Variants in CEP41 observed in about 807,000 individuals in gnomAD.
The protein encoded by CEP41 is centrosomal protein 41.
CEP41 carries 32 observed loss-of-function variants against 44.3 expected under a neutral mutation model. The observed-to-expected ratio is 0.72, with a 90% CI of 0.54 to 0.97. CEP41 has a LOEUF of 0.97. Ranked by LOEUF, CEP41 falls within the 50% of genes least tolerant of loss-of-function variation. The pLI is 0.00. For missense variants in CEP41, 432 were observed against 455.2 expected (o/e 0.95, Z 0.46); for synonymous variants, 151 against 168.5 (o/e 0.90, Z 0.80).
chr7:130,399,833 G>A lies in CEP41; in HGVS notation c.973+206C>T, dbSNP rs540775316. 5.4e-4 allele frequency: 233 copies of A among 428,238 alleles called. 2 individuals carry two copies. Among genetic ancestry groups the A allele is most frequent in the African/African-American group, 5.4e-3 (217 of 40,372 alleles). The allele number at this position is 428,238 out of a possible 1,614,324, so 26.5% of individuals were successfully genotyped here. On this transcript the variant is annotated intron_variant, in intron 10 of 10. Transcript: ENST00000223208. The stretch of plus-strand genomic sequence containing the variant: ...AGACTCTGTCTCAAAAAAAAAAAAA[G>A]TCGCTATGTTTTGATAAAGTCTCTC...
At chr7:130,425,187 G>A (rs1554423087) in intron 2 of CEP41, among the ~76,000 whole-genome samples, 1 of 152,162 alleles carries the variant, frequency 6.6e-6, no homozygotes, top group Non-Finnish European at 1.5e-5. Flanking sequence ...AGCCAAGGCG[G>A]GTGGATCACT....
Position 130,397,238 on chromosome 7 carries a change from A to T in CEP41, c.*1653T>A, listed in dbSNP as rs1554415065. Reference sequence around the variant, plus strand: ...ACATGACAGGCTCCTCATTAAAGCTATGTGTACGTTGGCTGAATTTTATAC... The same window carrying T: ...ACATGACAGGCTCCTCATTAAAGCTTTGTGTACGTTGGCTGAATTTTATAC... On this transcript the variant is annotated 3_prime_UTR_variant, in exon 11 of 11. Transcript: ENST00000223208. The T allele has an allele frequency of 4.4e-6, 2 of 454,518 alleles. No individual in the cohort carries two copies. Among genetic ancestry groups the T allele is most frequent in the South Asian group, 1.6e-5 (1 of 64,476 alleles). The allele number at this position is 454,518 out of a possible 1,614,324, so 28.2% of individuals were successfully genotyped here. A position where few individuals can be genotyped will look rare whatever the true frequency, so the allele number is the denominator to read the frequency against.
rs561584866 is a variant in CEP41 at position 130,396,919 on chromosome 7, G to A, written c.*1972C>T. On this transcript the variant is annotated 3_prime_UTR_variant, in exon 11 of 11. Transcript: ENST00000223208. ...TGTCTGACGATGGGAACGCAGAATC[G>A]GAACAAGGAGGGAAGACCATTTACT... 1.6e-5 allele frequency: 7 copies of A among 450,272 alleles called. No individual in the cohort carries two copies. Among genetic ancestry groups the A allele is most frequent in the African/African-American group, 2.0e-5 (1 of 49,758 alleles). 27.9% of individuals were successfully genotyped at this position (450,272 alleles called of 1,614,324 possible). A position where few individuals can be genotyped will look rare whatever the true frequency, so the allele number is the denominator to read the frequency against.
At position 130,394,106 on chromosome 7, in the gene CEP41, A is replaced by C. The variant is rs1228800195; in HGVS notation, c.*4785T>G. On this transcript the variant is annotated 3_prime_UTR_variant, in exon 11 of 11. Coordinates refer to ENST00000223208, the MANE Select transcript of CEP41 (RefSeq NM_018718.3). ...GGGAAGGGAAGCCAATAGCGAAGGG[A>C]AAGGTACATTTTCACGGTAAGTTAG... 2.2e-6 allele frequency: 1 copy of C among 453,972 alleles called. No individual in the cohort carries two copies. Among genetic ancestry groups the C allele is most frequent in the Non-Finnish European group, 4.4e-6 (1 of 226,796 alleles). 28.1% of individuals were successfully genotyped at this position (453,972 alleles called of 1,614,324 possible). A position where few individuals can be genotyped will look rare whatever the true frequency, so the allele number is the denominator to read the frequency against.
intron 9 of CEP41, 70 bp from the exon 10 acceptor site, chr7:130,400,324 C>T: frequency 9.7e-7 from 1 of 1,036,258 alleles, no homozygotes; most frequent in Non-Finnish European, 1.5e-6. Flanking sequence ...TGGAAAGAAG[C>T]CTGCATGTCT....
intron 1 of CEP41, among the ~76,000 whole-genome samples, chr7:130,433,284 A>T (rs1335556396): frequency 6.6e-6 from 1 of 151,984 alleles, no homozygotes; most frequent in Non-Finnish European, 1.5e-5. Context: ...TTTTTCCCTT[A>T]AGAGAGTTGC....
At chr7:130,410,026 C>CTTTTTT (rs1554419053) in intron 5 of CEP41, among the ~76,000 whole-genome samples, 2 of 131,850 alleles carry the variant, frequency 1.5e-5, no homozygotes, top group African/African-American at 5.9e-5. Context: ...CTACCTCGGT[C>CTTTTTT]TTCTTTTTTT....
At chr7:130,399,133 C>T (rs1554416219) in intron 10 of CEP41, 94 bp from the exon 11 acceptor site, 2 of 1,499,146 alleles carry the variant, frequency 1.3e-6, no homozygotes, top group Non-Finnish European at 9.2e-7. Context: ...TCCTAGCCTA[C>T]AACCACTTTT....
chr7:130,427,921 T>A (rs1196527386), intron 2 of CEP41, 34 bp downstream of exon 2: 7 of 1,438,554 alleles, frequency 4.9e-6, no homozygotes, highest in Non-Finnish European at 5.9e-6. Flanking sequence ...GCTATTAGAT[T>A]TTTTTTAATT....
In CEP41 at chr7:130,398,546, G is replaced by A. The variant is rs1208485870; in HGVS notation, c.*345C>T. 1 of 469,982 alleles carries A rather than the reference G, an allele frequency of 2.1e-6. No homozygotes were observed. The highest frequency in any genetic ancestry group is 6.6e-4 in the Middle Eastern group (1 of 1,524). The allele number at this position is 469,982 out of a possible 1,614,324, so 29.1% of individuals were successfully genotyped here. On this transcript the variant is annotated 3_prime_UTR_variant, in exon 11 of 11. Coordinates refer to ENST00000223208, the MANE Select transcript of CEP41 (RefSeq NM_018718.3). ...TGAAGTATTTACAAAACAACACAGA[G>A]AGACCCAACAAGCTGGACCTTATTA...
At chr7:130,438,982 A>G (rs782709730) in intron 1 of CEP41, among the ~76,000 whole-genome samples, 18 of 152,190 alleles carry the variant, frequency 1.2e-4, no homozygotes, top group South Asian at 6.2e-4. Context: ...CATAAAATAT[A>G]CAATTTACTC....
Position 130,404,547 on chromosome 7 carries a change from GA to G in CEP41, c.422+16del. ...TAAAGGCAAAATGCAGTGAAAATATGAATCAGCTTCGAGTACCTCTGAAGAG... is the reference window on the plus strand; with the variant it reads ...TAAAGGCAAAATGCAGTGAAAATATGATCAGCTTCGAGTACCTCTGAAGAG... On this transcript the variant is annotated intron_variant, in intron 6 of 10. Coordinates refer to ENST00000223208, the MANE Select transcript of CEP41 (RefSeq NM_018718.3). 1 of 1,609,862 alleles carries G rather than the reference GA, an allele frequency of 6.2e-7. No individual in the cohort carries two copies. The highest frequency in any genetic ancestry group is 8.5e-7 in the Non-Finnish European group (1 of 1,176,150).
At chr7:130,417,201 C>A in intron 2 of CEP41, 1 of 1,331,472 alleles carries the variant, frequency 7.5e-7, no homozygotes. Flanking sequence ...GGGATGCATA[C>A]CCCCAAAACA....
At chr7:130,422,907 G>A (rs1419453243) in intron 2 of CEP41, among the ~76,000 whole-genome samples, 1 of 152,172 alleles carries the variant, frequency 6.6e-6, no homozygotes, top group Non-Finnish European at 1.5e-5. Context: ...TCATATTTCT[G>A]ACAAGACTCT....
intron 5 of CEP41, among the ~76,000 whole-genome samples, chr7:130,405,279 T>G (rs1372856415): frequency 6.6e-6 from 1 of 152,204 alleles, no homozygotes; most frequent in African/African-American, 2.4e-5. Context: ...ATTGCTGAGT[T>G]GCAGGCTGAA....
upstream of CEP41, chr7:130,441,052 C>T: frequency 2.0e-6 from 3 of 1,463,598 alleles, no homozygotes; most frequent in Non-Finnish European, 2.8e-6. Context: ...CTTGTTCAGC[C>T]GCCTCCCTAT....
chr7:130,426,082 A>T (rs556366921), intron 2 of CEP41, among the ~76,000 whole-genome samples: 1 of 152,372 alleles, frequency 6.6e-6, no homozygotes, highest in South Asian at 2.1e-4. Flanking sequence ...GTGTGTATCA[A>T]ATGTCAATAT....
chr7:130,419,325 C>T, intron 2 of CEP41: 1 of 985,374 alleles, frequency 1.0e-6, no homozygotes, highest in Non-Finnish European at 1.2e-6. Flanking sequence ...AATGAGATAG[C>T]AGGATGGCTG....
chr7:130,422,116 CA>C, intron 2 of CEP41: 2 of 1,297,012 alleles, frequency 1.5e-6, no homozygotes, highest in Non-Finnish European at 2.1e-6. Context: ...GGTATAAAAA[CA>C]AAAAATAATC....
Sources: gnomAD v4.1 joint callset for allele counts (sites outside exome capture counted in the v4.1 genomes callset) on GRCh38, gnomAD v4.1.1 for gene constraint, MANE v1.5 for transcripts, NCBI Gene and HGNC (gene_info 2026-07-23, HGNC 2026-07-21) for gene names.